TXNDC5: variants seen among roughly 807,000 people sequenced by gnomAD.
The protein encoded by TXNDC5 is thioredoxin domain containing 5.
TXNDC5 carries 44 observed loss-of-function variants against 52.6 expected under a neutral mutation model. The observed-to-expected ratio is 0.84, with a 90% confidence interval of 0.66 to 1.08. TXNDC5 has a LOEUF of 1.08. Ranked by LOEUF, TXNDC5 falls within the 50% of genes least tolerant of loss-of-function variation. The pLI, the probability that TXNDC5 is intolerant of heterozygous loss-of-function variation, is 0.00. For missense variants in TXNDC5, 600 were observed against 565.5 expected, an observed-to-expected ratio of 1.06 and a Z score of -0.62; for synonymous variants, 241 against 234.4, an observed-to-expected ratio of 1.03 and a Z score of -0.26.
chr6:7,882,983 T>A lies in TXNDC5; in HGVS notation c.*161A>T, dbSNP rs1035297182. On this transcript the variant is annotated 3_prime_UTR_variant, in exon 10 of 10. Coordinates refer to ENST00000379757, the MANE Select transcript of TXNDC5 (RefSeq NM_030810.5). ...TTAACTTAATAAAGAATCTGTAGAGTGTGTTGGCTTGGAAAACACACACAC... is the reference window on the plus strand; with the variant it reads ...TTAACTTAATAAAGAATCTGTAGAGAGTGTTGGCTTGGAAAACACACACAC... 1.2e-6 allele frequency: 1 copy of A among 842,900 alleles called. No homozygotes were observed. The highest frequency in any genetic ancestry group is 1.8e-6 in the Non-Finnish European group (1 of 557,208). The allele number at this position is 842,900 out of a possible 1,614,324, so 52.2% of individuals were successfully genotyped here.
chr6:7,905,651 C>T (rs1486894678), intron 1 of TXNDC5, among the ~76,000 whole-genome samples: 3 of 152,240 alleles, frequency 2.0e-5, no homozygotes, highest in East Asian at 3.8e-4. Context: ...GTTCTCTGGA[C>T]AGTATGTCTA....
intron 8 of TXNDC5, among the ~76,000 whole-genome samples, chr6:7,885,577 T>TAC (rs1471521148): frequency 6.6e-6 from 1 of 152,240 alleles, no homozygotes; most frequent in East Asian, 1.9e-4. Flanking sequence ...GGAGCAAAGC[T>TAC]ACATCATGAC....
At chr6:7,889,078 A>C in intron 6 of TXNDC5, 1 of 531,244 alleles carries the variant, frequency 1.9e-6, no homozygotes, top group Non-Finnish European at 3.2e-6. Flanking sequence ...TACACATCAC[A>C]GAAGTCTGGG....
chr6:7,884,303 C>T, intron 9 of TXNDC5, 56 bp downstream of exon 9: 1 of 1,606,090 alleles, frequency 6.2e-7, no homozygotes, highest in Non-Finnish European at 8.5e-7. Flanking sequence ...GGCACAGTTC[C>T]CTTGGGATCT....
chr6:7,888,893 T>A, intron 6 of TXNDC5, 45 bp from the exon 7 acceptor site: 1 of 1,551,176 alleles, frequency 6.4e-7, no homozygotes, highest in Non-Finnish European at 8.7e-7. Context: ...CACTGAGGTG[T>A]TCTGAATCAC....
In TXNDC5 at chr6:7,884,501, A is replaced by AT. The variant is rs758985265; in HGVS notation, c.1047-14_1047-13insA. Reference sequence around the variant, plus strand: ...ACAATGACCACACCTAAGACGAGAAAAATGGCAGCTTCGTTGAAATCCTGG... The same window carrying AT: ...ACAATGACCACACCTAAGACGAGAAATAATGGCAGCTTCGTTGAAATCCTGG... On this transcript the variant is annotated splice_polypyrimidine_tract_variant and intron_variant, in intron 8 of 9. Coordinates refer to ENST00000379757, the MANE Select transcript of TXNDC5 (RefSeq NM_030810.5). 5.6e-6 allele frequency: 9 copies of AT among 1,613,826 alleles called. No individual in the cohort carries two copies. In the East Asian group the frequency reaches 1.8e-4, roughly 32 times the overall value.
chr6:7,896,356 C>T (rs1760369087), intron 3 of TXNDC5, among the ~76,000 whole-genome samples: 1 of 152,190 alleles, frequency 6.6e-6, no homozygotes, highest in Non-Finnish European at 1.5e-5. Flanking sequence ...TCCTACATTT[C>T]TCAACTTTTC....
At chr6:7,889,794 G>A (rs1441555760) in intron 5 of TXNDC5, among the ~76,000 whole-genome samples, 1 of 152,216 alleles carries the variant, frequency 6.6e-6, no homozygotes, top group African/African-American at 2.4e-5. Flanking sequence ...AGACTTTAGA[G>A]GCAAGATTTA....
chr6:7,899,482 CA>C, intron 3 of TXNDC5, 93 bp downstream of exon 3: 7 of 824,460 alleles, frequency 8.5e-6, no homozygotes, highest in Non-Finnish European at 1.3e-5. Flanking sequence ...TCATTAACCT[CA>C]ACTGGCCTCT....
rs1286262251 is a variant in TXNDC5, at chr6:7,910,509, G to A, written c.263+5C>T. 1 of 1,433,426 alleles carries A rather than the reference G, an allele frequency of 7.0e-7. No individual in the cohort carries two copies. The highest frequency in any genetic ancestry group is 9.2e-7 in the Non-Finnish European group (1 of 1,081,360). The allele number at this position is 1,433,426 out of a possible 1,614,324, so 88.8% of individuals were successfully genotyped here. A position where few individuals can be genotyped will look rare whatever the true frequency, so the allele number is the denominator to read the frequency against. On this transcript the variant is annotated splice_donor_5th_base_variant and intron_variant, in intron 1 of 9. Transcript: ENST00000379757. ...GGGGCAGGGCGCCGGCCTGCGCGGC[G>A]TTACCAGGGCGCGAAGAACATGACG...
intron 2 of TXNDC5, 98 bp from the exon 3 acceptor site, chr6:7,899,779 G>A: frequency 1.2e-6 from 1 of 862,850 alleles, no homozygotes; most frequent in Admixed American, 2.5e-5. Flanking sequence ...AGCTGTCAAG[G>A]GGCTGCAGCC....
chr6:7,893,031 C>T (rs552523161), intron 4 of TXNDC5, among the ~76,000 whole-genome samples: 1 of 152,254 alleles, frequency 6.6e-6, no homozygotes, highest in East Asian at 1.9e-4. Context: ...TTTGTTTTCT[C>T]GATCTGTATT....
At chr6:7,910,349 A>ACCCCGCACCCCTGAGCCCCGAG (rs1760876752) in intron 1 of TXNDC5, among the ~76,000 whole-genome samples, 165 bp downstream of exon 1, 1 of 142,300 alleles carries the variant, frequency 7.0e-6, no homozygotes, top group Admixed American at 6.9e-5. Context: ...CCAGTATTAC[A>ACCCCGCACCCCTGAGCCCCGAG]CCCCGCACCC....
At chr6:7,898,283 T>G (rs1192237139) in intron 3 of TXNDC5, among the ~76,000 whole-genome samples, 2 of 152,200 alleles carry the variant, frequency 1.3e-5, no homozygotes, top group East Asian at 3.9e-4. Flanking sequence ...CTTGAACTCT[T>G]GACCTTGGGT....
At chr6:7,910,203 C>A (rs1007046504) in intron 1 of TXNDC5, 1 of 948,600 alleles carries the variant, frequency 1.1e-6, no homozygotes, top group South Asian at 4.7e-5. Flanking sequence ...GCTCACGCCT[C>A]CCGACCCGGA....
In TXNDC5 at chr6:7,883,127, G is replaced by T; in HGVS notation, c.*17C>A. On this transcript the variant is annotated 3_prime_UTR_variant, in exon 10 of 10. Transcript: ENST00000379757. ...GGTGCGGGAGCTGGGCAGGAGAGGT[G>T]ACCTCCAACTGTGTTCCTAAAGTTC... The T allele has an allele frequency of 6.2e-7, 1 of 1,614,046 alleles. No homozygotes were observed. The highest frequency in any genetic ancestry group is 1.1e-5 in the South Asian group (1 of 91,044).
Position 7,904,782 on chromosome 6 carries a change from C to G in TXNDC5, c.264-59G>C, listed in dbSNP as rs1439520487. ...ATCAGGTCACAGGGCAGCTGGCCCA[C>G]AACTTCAGCTCTGTCCAGGGGACAA... On this transcript the variant is annotated intron_variant, in intron 1 of 9. Transcript: ENST00000379757. 28 of 1,606,682 alleles carry G rather than the reference C, an allele frequency of 1.7e-5. 1 individual carries two copies. The East Asian group carries it at 6.2e-4, about 36-fold the overall frequency.
intron 1 of TXNDC5, chr6:7,909,913 G>C: frequency 1.0e-6 from 1 of 986,116 alleles, no homozygotes; most frequent in Non-Finnish European, 1.2e-6. Flanking sequence ...AGGCCGCTCT[G>C]GTGAGTGCAC....
At chr6:7,889,926 A>AG (rs1023666037) in intron 5 of TXNDC5, among the ~76,000 whole-genome samples, 1 of 152,108 alleles carries the variant, frequency 6.6e-6, no homozygotes, top group African/African-American at 2.4e-5. Context: ...TGGTGGTGGG[A>AG]GGGGGGTTAG....
Sources: allele counts gnomAD v4.1 joint callset (sites outside exome capture counted in the v4.1 genomes callset), GRCh38; gene constraint gnomAD v4.1.1; transcripts MANE v1.5; gene names NCBI Gene and HGNC (gene_info 2026-07-23, HGNC 2026-07-21).